Variants in ZSCAN5A observed in about 807,000 individuals in gnomAD.
The protein encoded by ZSCAN5A is zinc finger and SCAN domain containing 5A.
A neutral mutation model predicts 23.7 loss-of-function variants in ZSCAN5A; 12 were observed. The ratio of observed to expected loss-of-function variants is 0.51; its 90% CI spans 0.32 to 0.82. ZSCAN5A has a LOEUF of 0.82. Ranked by LOEUF, ZSCAN5A falls within the 40% of genes least tolerant of loss-of-function variation. ZSCAN5A has a pLI of 0.03. For synonymous variants in ZSCAN5A, 257 were observed against 239.9 expected, an observed-to-expected ratio of 1.07 and a Z score of -0.66; for missense variants, 597 against 617.9, an observed-to-expected ratio of 0.97 and a Z score of 0.36.
chr19:56,296,912 A>G (rs1600219938), intron 2 of ZSCAN5A, among the ~76,000 whole-genome samples: 1 of 152,072 alleles, frequency 6.6e-6, no homozygotes, highest in East Asian at 1.9e-4. Context: ...TTGTAAACAT[A>G]GAAAAAATTA....
chr19:56,336,028 A>C (rs1362482815), intron 2 of ZSCAN5A, among the ~76,000 whole-genome samples: 1 of 152,006 alleles, frequency 6.6e-6, no homozygotes, highest in Non-Finnish European at 1.5e-5. Flanking sequence ...TTTTTCCTTC[A>C]TTTCAACTTT....
rs535681938 is a variant in ZSCAN5A at position 56,319,944 on chromosome 19, C to T, written c.-357-3676G>A. On this transcript the variant is annotated intron_variant, in intron 2 of 6. Coordinates refer to the ZSCAN5A transcript ENST00000587340. ...TCAACCTGTCCATTTTTATTCAAAT[C>T]GACTTCATTTAGAATTTCATGGAGT... 1.9e-4 allele frequency: 247 copies of T among 1,293,402 alleles called. 1 individual carries two copies. Among genetic ancestry groups the T allele is most frequent in the Admixed American group, 4.5e-4 (27 of 59,626 alleles). 80.1% of individuals were successfully genotyped at this position (1,293,402 alleles called of 1,614,324 possible). A position where few individuals can be genotyped will look rare whatever the true frequency, so the allele number is the denominator to read the frequency against.
chr19:56,255,951 T>C (rs559544504), intron 2 of ZSCAN5A, among the ~76,000 whole-genome samples: 44 of 152,210 alleles, frequency 2.9e-4, no homozygotes, highest in Non-Finnish European at 5.6e-4. Flanking sequence ...ATAACATACA[T>C]GCATGTAGTG....
At chr19:56,232,136 C>T (rs1205128041) in intron 2 of ZSCAN5A, among the ~76,000 whole-genome samples, 2 of 151,704 alleles carry the variant, frequency 1.3e-5, no homozygotes, top group South Asian at 2.1e-4. Context: ...CCACTATGTC[C>T]GGCTAATTTT....
chr19:56,322,407 G>A (rs2041385839), intron 2 of ZSCAN5A: 1 of 644,888 alleles, frequency 1.6e-6, no homozygotes, highest in Non-Finnish European at 2.8e-6. Flanking sequence ...CTACAAATTT[G>A]TCCAGGAGGC....
chr19:56,328,569 G>A, intron 2 of ZSCAN5A, among the ~76,000 whole-genome samples: 1 of 151,776 alleles, frequency 6.6e-6, no homozygotes, highest in Non-Finnish European at 1.5e-5. Context: ...TTGAACCGAG[G>A]ATTGCAGTGA....
intron 2 of ZSCAN5A, chr19:56,295,120 T>A (rs1337297778): frequency 1.3e-5 from 2 of 152,196 alleles, no homozygotes; most frequent in Non-Finnish European, 1.5e-5. Context: ...GCTTTGTGAA[T>A]GTCCTAAAAA....
intron 2 of ZSCAN5A, among the ~76,000 whole-genome samples, chr19:56,296,690 T>C (rs763761465): frequency 1.3e-5 from 2 of 152,166 alleles, no homozygotes; most frequent in Admixed American, 6.5e-5. Flanking sequence ...AAGGCTATTA[T>C]GTCCTATGGA....
In ZSCAN5A at chr19:56,221,635, G is replaced by A. The variant is rs2033174326; in HGVS notation, c.1431C>T (p.Phe477=). The change falls in exon 6 of 6, where the codon TTC becomes TTT. Residue 477 remains phenylalanine (F), a synonymous_variant. Transcript: ENST00000683990. ...PYKCSKCPRA[F]SRLKLLRRHQ... is the part of the protein sequence containing the mutation. The stretch of plus-strand genomic sequence containing the variant: ...GGCGTCTTAACAATTTCAGCCGACT[G>A]AAGGCTCTTGGACACTTGGAACATT... 1.2e-6 allele frequency: 2 copies of A among 1,612,924 alleles called. No individual in the cohort carries two copies. Among genetic ancestry groups the A allele is most frequent in the African/African-American group, 1.3e-5 (1 of 74,836 alleles).
intron 2 of ZSCAN5A, among the ~76,000 whole-genome samples, chr19:56,296,654 A>G (rs1410480314): frequency 6.6e-6 from 1 of 152,228 alleles, no homozygotes; most frequent in African/African-American, 2.4e-5. Flanking sequence ...GAGAAAAAAC[A>G]AAGAGCAGTA....
At chr19:56,325,939 GTTTT>G (rs200126826) in intron 2 of ZSCAN5A, among the ~76,000 whole-genome samples, 1 of 146,748 alleles carries the variant, frequency 6.8e-6, no homozygotes, top group African/African-American at 2.5e-5. Context: ...ATATATTGTG[GTTTT>G]TTTTTTTGAG....
chr19:56,353,605 C>T (rs936842480), intron 2 of ZSCAN5A, among the ~76,000 whole-genome samples: 6 of 151,694 alleles, frequency 4.0e-5, no homozygotes, highest in African/African-American at 7.3e-5. Context: ...GGTGAAACCC[C>T]GTCTCTACTA....
chr19:56,241,453 T>C (rs1168126405), intron 2 of ZSCAN5A, among the ~76,000 whole-genome samples: 2 of 152,228 alleles, frequency 1.3e-5, no homozygotes, highest in Admixed American at 6.5e-5. Flanking sequence ...AAAATTAATT[T>C]GCTTTCAAAT....
intron 2 of ZSCAN5A, among the ~76,000 whole-genome samples, chr19:56,304,499 A>C (rs572428386): frequency 1.3e-5 from 2 of 152,290 alleles, no homozygotes; most frequent in South Asian, 4.1e-4. Flanking sequence ...CGACAAAAAT[A>C]ACCCAGGTCA....
chr19:56,347,867 C>T (rs1406600604), intron 2 of ZSCAN5A: 3 of 152,264 alleles, frequency 2.0e-5, no homozygotes, highest in Non-Finnish European at 4.4e-5. Context: ...AGAGCAAGCT[C>T]GGGAGACGGA....
intron 2 of ZSCAN5A, among the ~76,000 whole-genome samples, chr19:56,301,717 G>C (rs946545513): frequency 3.3e-5 from 5 of 152,132 alleles, no homozygotes; most frequent in Non-Finnish European, 7.3e-5. Flanking sequence ...GGGCAAGACA[G>C]GGTCAGATTT....
chr19:56,239,312 C>T (rs2035226625), intron 2 of ZSCAN5A, among the ~76,000 whole-genome samples: 2 of 152,216 alleles, frequency 1.3e-5, no homozygotes, highest in Admixed American at 1.3e-4. Flanking sequence ...GTGAATCAGT[C>T]AGCGGATGCT....
At chr19:56,229,783 T>C (rs772011507) in intron 2 of ZSCAN5A, among the ~76,000 whole-genome samples, 15 of 152,204 alleles carry the variant, frequency 9.9e-5, no homozygotes, top group Non-Finnish European at 2.1e-4. Context: ...CTTAATAGTT[T>C]TTCTTGTGGA....
At chr19:56,324,495 G>C (rs972482722) in intron 2 of ZSCAN5A, among the ~76,000 whole-genome samples, 1 of 152,120 alleles carries the variant, frequency 6.6e-6, no homozygotes, top group Non-Finnish European at 1.5e-5. Flanking sequence ...ATGGATGCTG[G>C]TGAGGATGCA....
Sources: gnomAD v4.1 joint callset for allele counts (sites outside exome capture counted in the v4.1 genomes callset) on GRCh38, gnomAD v4.1.1 for gene constraint, MANE v1.5 for transcripts, NCBI Gene and HGNC (gene_info 2026-07-23, HGNC 2026-07-21) for gene names.